Variants in GRIA4 observed in about 807,000 individuals in gnomAD.
GRIA4 encodes glutamate ionotropic receptor AMPA type subunit 4.
Under a neutral mutation model 104.0 loss-of-function variants are expected in GRIA4, and 34 were observed. The ratio of observed to expected loss-of-function variants is 0.33; its 90% CI spans 0.25 to 0.44. The LOEUF (loss-of-function observed/expected upper bound fraction) is 0.44, where lower values mean the gene tolerates loss of function less well. Ranked by LOEUF, GRIA4 falls within the 20% of genes least tolerant of loss-of-function variation. The pLI, the probability that GRIA4 is intolerant of heterozygous loss-of-function variation, is 1.00. For missense variants in GRIA4, 750 were observed against 1,096.5 expected, an observed-to-expected ratio of 0.68 and a Z score of 4.46; for synonymous variants, 386 against 381.9, an observed-to-expected ratio of 1.01 and a Z score of -0.13.
At chr11:105,643,640 G>C (rs1018367193) in intron 3 of GRIA4, among the ~76,000 whole-genome samples, 3 of 152,166 alleles carry the variant, frequency 2.0e-5, no homozygotes, top group African/African-American at 7.2e-5. Flanking sequence ...TATAGAAAAG[G>C]GGGTAGTGGT....
chr11:105,811,488 A>C (rs889017916), intron 4 of GRIA4, among the ~76,000 whole-genome samples: 41 of 152,084 alleles, frequency 2.7e-4, no homozygotes, highest in African/African-American at 9.7e-4. Flanking sequence ...TCAGTGAACG[A>C]AGGGGTGACT....
At position 105,696,262 on chromosome 11, in the gene GRIA4, G is replaced by A. The variant is rs533377317; in HGVS notation, c.248-56719G>A. 4.6e-5 allele frequency among the ~76,000 whole-genome samples: 7 copies of A among 152,254 alleles called. No individual in the cohort carries two copies. In the East Asian group the frequency reaches 1.2e-3, roughly 25 times the overall value. ...GACCTTGGCTCACACAGTGGCCCAG[G>A]TGTGCCCTTAAAGTAGGACTTCTCA... is the stretch of plus-strand genomic sequence containing the variant. On this transcript the variant is annotated intron_variant, in intron 3 of 16. Coordinates refer to ENST00000282499, the MANE Select transcript of GRIA4 (RefSeq NM_000829.4).
intron 3 of GRIA4, among the ~76,000 whole-genome samples, chr11:105,615,351 C>T (rs1591441462): frequency 6.6e-6 from 1 of 151,790 alleles, no homozygotes; most frequent in African/African-American, 2.4e-5. Context: ...TTAACTTAAA[C>T]TTATAATTTT....
chr11:105,643,405 A>G (rs2135356865), intron 3 of GRIA4, among the ~76,000 whole-genome samples: 1 of 152,310 alleles, frequency 6.6e-6, no homozygotes, highest in East Asian at 1.9e-4. Flanking sequence ...GTCATCTATC[A>G]ATTGTCAGCA....
chr11:105,981,580 C>CACACACACAT lies in GRIA4; in HGVS notation c.*1850_*1851insTACACACACA, dbSNP rs1859251128. 2 of 154,414 alleles carry CACACACACAT rather than the reference C, an allele frequency of 1.3e-5. No homozygotes were observed. Among genetic ancestry groups the CACACACACAT allele is most frequent in the Admixed American group, 6.6e-5 (1 of 15,266 alleles). The allele number at this position is 154,414 out of a possible 1,614,324, so 9.6% of individuals were successfully genotyped here. A position where few individuals can be genotyped will look rare whatever the true frequency, so the allele number is the denominator to read the frequency against. ...ACACACACACACACACACACACACA[C>CACACACACAT]ACACACACACAAGTCCCTCAGGAAA... On this transcript the variant is annotated 3_prime_UTR_variant, in exon 17 of 17. Coordinates refer to ENST00000282499, the MANE Select transcript of GRIA4 (RefSeq NM_000829.4).
At chr11:105,778,018 T>C (rs1941530009) in intron 4 of GRIA4, among the ~76,000 whole-genome samples, 2 of 152,216 alleles carry the variant, frequency 1.3e-5, no homozygotes, top group Admixed American at 6.5e-5. Context: ...CCAGCTTCCC[T>C]GTATTGCAAG....
chr11:105,760,572 T>TA (rs1591207964), intron 4 of GRIA4, among the ~76,000 whole-genome samples: 1 of 152,180 alleles, frequency 6.6e-6, no homozygotes, highest in African/African-American at 2.4e-5. Context: ...GAACATGACA[T>TA]ATTTTTCTGT....
At chr11:105,908,214 T>A (rs1322417510) in intron 9 of GRIA4, among the ~76,000 whole-genome samples, 1 of 152,180 alleles carries the variant, frequency 6.6e-6, no homozygotes, top group Non-Finnish European at 1.5e-5. Flanking sequence ...CAAATCACCT[T>A]TAGGAGTCCA....
intron 6 of GRIA4, among the ~76,000 whole-genome samples, chr11:105,892,900 A>C (rs2136112903): frequency 6.6e-6 from 1 of 152,316 alleles, no homozygotes; most frequent in East Asian, 1.9e-4. Flanking sequence ...CTGAAATGCA[A>C]AATACAGCAG....
intron 16 of GRIA4, among the ~76,000 whole-genome samples, chr11:105,979,169 G>A (rs1859145965): frequency 6.6e-6 from 1 of 152,144 alleles, no homozygotes; most frequent in Non-Finnish European, 1.5e-5. Flanking sequence ...ATTAGTTCTG[G>A]TAGTTTAATC....
chr11:105,893,867 T>C (rs1011866316), intron 6 of GRIA4, among the ~76,000 whole-genome samples: 1 of 152,216 alleles, frequency 6.6e-6, no homozygotes, highest in African/African-American at 2.4e-5. Context: ...CAAACCAATG[T>C]TCAACTGACA....
chr11:105,958,636 G>A (rs2136255603), intron 14 of GRIA4, among the ~76,000 whole-genome samples: 1 of 152,166 alleles, frequency 6.6e-6, no homozygotes, highest in East Asian at 1.9e-4. Flanking sequence ...CATAAAATGA[G>A]TTAGGGAGGA....
chr11:105,729,409 A>C (rs896286005), intron 3 of GRIA4, among the ~76,000 whole-genome samples: 18 of 152,172 alleles, frequency 1.2e-4, no homozygotes, highest in African/African-American at 4.1e-4. Context: ...ATTCAGACCC[A>C]ATTTCTACCA....
In GRIA4 at chr11:105,912,373, T is replaced by C. The variant is rs1013072616; in HGVS notation, c.1269+1828T>C. 57 of 967,744 alleles carry C rather than the reference T, an allele frequency of 5.9e-5. 2 individuals carry two copies. The African/African-American group carries it at 9.9e-4, about 17-fold the overall frequency. 59.9% of individuals were successfully genotyped at this position (967,744 alleles called of 1,614,324 possible). ...TGCATTATAGGTATGATATAGAGAATCTCCTTTCCATCCTTGTTACTAAAG... is the reference window on the plus strand; with the variant it reads ...TGCATTATAGGTATGATATAGAGAACCTCCTTTCCATCCTTGTTACTAAAG... On this transcript the variant is annotated intron_variant, in intron 10 of 16. Coordinates refer to ENST00000282499, the MANE Select transcript of GRIA4 (RefSeq NM_000829.4).
intron 3 of GRIA4, among the ~76,000 whole-genome samples, chr11:105,689,714 C>T (rs1953018119): frequency 6.6e-6 from 1 of 152,132 alleles, no homozygotes; most frequent in East Asian, 1.9e-4. Flanking sequence ...GATTAAAACT[C>T]CTGGTGTAGT....
At position 105,797,555 on chromosome 11, in the gene GRIA4, T is replaced by C. The variant is rs541140917; in HGVS notation, c.487+44335T>C. Among the ~76,000 whole-genome samples, 8 of 152,272 alleles carry C rather than the reference T, an allele frequency of 5.3e-5. No homozygotes were observed. The South Asian group carries it at 1.7e-3, about 32-fold the overall frequency. On this transcript the variant is annotated intron_variant, in intron 4 of 16. Coordinates refer to ENST00000282499, the MANE Select transcript of GRIA4 (RefSeq NM_000829.4). ...TACCACCTGCCATATTAAAACTTAT[T>C]CCCCAATTTCACCTCTAATTCATTC...
intron 4 of GRIA4, among the ~76,000 whole-genome samples, chr11:105,810,717 T>C (rs1943138069): frequency 1.3e-5 from 2 of 152,296 alleles, no homozygotes; most frequent in South Asian, 4.1e-4. Context: ...AGAAGTTATA[T>C]ATAAATTGTA....
intron 3 of GRIA4, among the ~76,000 whole-genome samples, chr11:105,751,381 A>C (rs1366405654): frequency 6.6e-6 from 1 of 152,204 alleles, no homozygotes; most frequent in Non-Finnish European, 1.5e-5. Flanking sequence ...TGACGCAGCA[A>C]CTTGATTTAT....
chr11:105,620,284 T>C (rs1950707904), intron 3 of GRIA4, among the ~76,000 whole-genome samples: 2 of 151,610 alleles, frequency 1.3e-5, no homozygotes. Context: ...GAGTACTGTG[T>C]GCCAGATTTT....
Sources: gnomAD v4.1 joint callset for allele counts (sites outside exome capture counted in the v4.1 genomes callset) on GRCh38, gnomAD v4.1.1 for gene constraint, MANE v1.5 for transcripts, NCBI Gene and HGNC (gene_info 2026-07-23, HGNC 2026-07-21) for gene names.